The following GARIN6 variants were observed in gnomAD, a reference collection of about 807,000 sequenced individuals.
GARIN6 encodes golgi associated RAB2 interactor family member 6, also known as Golgi-associated RAB2 interactor protein 6.
At chr12:99,647,896 G>A in the GARIN6 span, 5 of 418,422 alleles carry the variant, frequency 1.2e-5, no homozygotes, top group Admixed American at 3.8e-5. Context: ...CTGTGTGCCC[G>A]GACATCCACG....
At chr12:99,649,000 T>TCTTA in the GARIN6 span, among the ~76,000 whole-genome samples, 1 of 152,158 alleles carries the variant, frequency 6.6e-6, no homozygotes, top group Non-Finnish European at 1.5e-5. Flanking sequence ...TTCAGAGATT[T>TCTTA]CTTAGCTGTC....
At chr12:99,649,756 G>T in the GARIN6 span, 1 of 181,390 alleles carries the variant, frequency 5.5e-6, no homozygotes, top group Admixed American at 5.9e-5. Flanking sequence ...CAGTATGAAT[G>T]TGGTGGCTAC....
chr12:99,649,291 T>A, the GARIN6 span: 2 of 1,613,336 alleles, frequency 1.2e-6, no homozygotes, highest in Non-Finnish European at 8.5e-7. Flanking sequence ...TCCCTAGGGA[T>A]ATGCCATGAA....
chr12:99,648,574 G>A, the GARIN6 span: 18 of 1,614,024 alleles, frequency 1.1e-5, no homozygotes, highest in African/African-American at 6.7e-5. Flanking sequence ...CCACAACAGC[G>A]TAAAAAAACA....
the GARIN6 span, chr12:99,649,546 AC>A: frequency 4.8e-6 from 3 of 626,990 alleles, no homozygotes; most frequent in African/African-American, 5.5e-5. Flanking sequence ...TGTGGCTGCA[AC>A]CAAGTCTGCA....
At chr12:99,648,575 T>TAA in the GARIN6 span, 1 of 1,614,004 alleles carries the variant, frequency 6.2e-7, no homozygotes, top group African/African-American at 1.3e-5. Context: ...CACAACAGCG[T>TAA]AAAAAAACAG....
At chr12:99,648,574 G>GT in the GARIN6 span, 9 of 1,614,142 alleles carry the variant, frequency 5.6e-6, no homozygotes, top group Admixed American at 1.7e-5. Flanking sequence ...CCACAACAGC[G>GT]TAAAAAAACA....
the GARIN6 span, chr12:99,648,659 T>A: frequency 6.8e-6 from 11 of 1,614,086 alleles, no homozygotes; most frequent in Non-Finnish European, 9.3e-6. Context: ...AGTGAAGACC[T>A]TTTTGTTCAC....
At chr12:99,648,642 G>C in the GARIN6 span, 577 of 1,614,142 alleles carry the variant, frequency 3.6e-4, 1 homozygote, top group African/African-American at 6.8e-3. Context: ...GTCCTCCATC[G>C]GATGCAAGTG....
At chr12:99,649,505 T>C in the GARIN6 span, 1 of 841,206 alleles carries the variant, frequency 1.2e-6, no homozygotes, top group Non-Finnish European at 1.9e-6. Flanking sequence ...GCAGTAGTGA[T>C]GACAGTAAGC....
chr12:99,649,253 G>T, the GARIN6 span: 16 of 1,482,668 alleles, frequency 1.1e-5, no homozygotes, highest in African/African-American at 2.2e-4. Flanking sequence ...GATCTTGCTG[G>T]TCTCACTGTC....
the GARIN6 span, chr12:99,647,849 G>A: frequency 9.4e-6 from 3 of 319,034 alleles, no homozygotes; most frequent in African/African-American, 6.2e-5. Context: ...GGAATATCAG[G>A]CTCAAATGGA....
the GARIN6 span, chr12:99,649,537 G>A: frequency 1.5e-6 from 1 of 657,180 alleles, no homozygotes; most frequent in Non-Finnish European, 2.6e-6. Context: ...TACCATGGAT[G>A]TGGCTGCAAC....
chr12:99,649,464 T>C, the GARIN6 span: 4 of 1,287,196 alleles, frequency 3.1e-6, no homozygotes, highest in Non-Finnish European at 3.4e-6. Flanking sequence ...ATAAAACCTA[T>C]AGTGCCTGAT....
the GARIN6 span, chr12:99,648,273 C>T: frequency 1.2e-5 from 19 of 1,614,064 alleles, no homozygotes; most frequent in Admixed American, 1.7e-5. Context: ...GGCAACTGTA[C>T]AAAGGCGAGT....
At chr12:99,649,085 A>G in the GARIN6 span, among the ~76,000 whole-genome samples, 1 of 152,224 alleles carries the variant, frequency 6.6e-6, no homozygotes, top group Non-Finnish European at 1.5e-5. Flanking sequence ...CATCCTGACC[A>G]GTCTATTCTG....
the GARIN6 span, chr12:99,649,624 C>G: frequency 6.1e-6 from 3 of 488,582 alleles, no homozygotes; most frequent in East Asian, 1.0e-4. Context: ...GTATAGCCAG[C>G]ATGGCTATTA....
chr12:99,648,913 C>A, the GARIN6 span: 1 of 1,325,376 alleles, frequency 7.5e-7, no homozygotes, highest in East Asian at 2.5e-5. Flanking sequence ...GTCTGAAGGC[C>A]AAATGAGCTT....
chr12:99,649,363 G>T, the GARIN6 span: 1 of 1,614,096 alleles, frequency 6.2e-7, no homozygotes, highest in Non-Finnish European at 8.5e-7. Flanking sequence ...TGAAATGTTT[G>T]GGTCCACCTA....
Sources: allele counts gnomAD v4.1 joint callset (sites outside exome capture counted in the v4.1 genomes callset), GRCh38; gene constraint gnomAD v4.1.1; transcripts MANE v1.5; gene names NCBI Gene and HGNC (gene_info 2026-07-23, HGNC 2026-07-21).